LY86: variants seen among roughly 807,000 people sequenced by gnomAD.
The protein encoded by LY86 is MD-1, RP105-associated.
A neutral mutation model predicts 17.3 loss-of-function variants in LY86; 20 were observed. That is an observed-to-expected ratio of 1.15 (90% CI 0.81 to 1.68). The LOEUF is 1.68. LY86 is among the 40% of genes most tolerant of loss of function. The pLI, the probability that LY86 is intolerant of heterozygous loss-of-function variation, is 0.00. For synonymous variants in LY86, 74 were observed against 70.6 expected (o/e 1.05, Z -0.24); for missense variants, 200 against 191.9 (o/e 1.04, Z -0.25).
chr6:6,612,547 G>A (rs183339280), intron 1 of LY86, among the ~76,000 whole-genome samples: 76 of 152,240 alleles, frequency 5.0e-4, no homozygotes, highest in East Asian at 4.3e-3. Flanking sequence ...CAAAAGCAAC[G>A]AAACAACCAG....
At chr6:6,649,351 C>G (rs1174103497) in intron 3 of LY86, among the ~76,000 whole-genome samples, 1 of 152,234 alleles carries the variant, frequency 6.6e-6, no homozygotes, top group Non-Finnish European at 1.5e-5. Context: ...CAGACCTTAA[C>G]AGAATGTAAG....
chr6:6,642,100 C>T (rs1762048047), intron 3 of LY86, among the ~76,000 whole-genome samples: 1 of 152,234 alleles, frequency 6.6e-6, no homozygotes, highest in African/African-American at 2.4e-5. Flanking sequence ...CTGCTGATGC[C>T]CACTCCAGCA....
chr6:6,600,630 A>T (rs1298870271), intron 1 of LY86, among the ~76,000 whole-genome samples: 12 of 130,436 alleles, frequency 9.2e-5, no homozygotes, highest in African/African-American at 3.6e-4. Context: ...AAAAAAAAAG[A>T]AAATATAGCA....
chr6:6,613,826 C>T (rs368504687), intron 1 of LY86, among the ~76,000 whole-genome samples: 2 of 152,240 alleles, frequency 1.3e-5, no homozygotes, highest in Non-Finnish European at 2.9e-5. Context: ...CTTTCCCTGC[C>T]TGATGGTTTA....
At position 6,601,289 on chromosome 6, in the gene LY86, C is replaced by A. The variant is rs140747099; in HGVS notation, c.136+12419C>A. Reference sequence around the variant, plus strand: ...AACGGAGAGAGAAGGCCACAGTTCCCTTCCTACTAAACCACAGTCATCCCC... The same window carrying A: ...AACGGAGAGAGAAGGCCACAGTTCCATTCCTACTAAACCACAGTCATCCCC... On this transcript the variant is annotated intron_variant, in intron 1 of 4. Coordinates refer to ENST00000230568, the MANE Select transcript of LY86 (RefSeq NM_004271.4). Among the ~76,000 whole-genome samples the A allele has an allele frequency of 4.2e-3, 645 of 152,268 alleles. 4 individuals carry two copies. The highest frequency in any genetic ancestry group is 0.014 in the African/African-American group (591 of 41,544).
At position 6,626,298 on chromosome 6, in the gene LY86, G is replaced by T. The variant is rs1343214658; in HGVS notation, c.229G>T (p.Asp77Tyr). ...TGTTCTTCTCTTTCCTCCAGGAGAG[G>T]ACATCAAAGAGCTTTTTCTTGACCT... ...NIRFGIILREDIKELFLDLAL... is the reference protein window; with the variant it reads ...NIRFGIILREYIKELFLDLAL... Residue 77 changes from aspartate (D) to tyrosine (Y), a missense_variant, in exon 3 of 5, where the codon GAC becomes TAC. Physicochemically the swap from Asp to Tyr is radical, Grantham distance 160. Transcript: ENST00000230568. 6.2e-7 allele frequency: 1 copy of T among 1,613,666 alleles called. No homozygotes were observed. Among genetic ancestry groups the T allele is most frequent in the African/African-American group, 1.3e-5 (1 of 74,916 alleles).
intron 1 of LY86, among the ~76,000 whole-genome samples, chr6:6,595,205 AAAG>A (rs1434067416): frequency 1.3e-5 from 2 of 150,194 alleles, no homozygotes; most frequent in African/African-American, 2.5e-5. Flanking sequence ...AGAGGGGGAG[AAAG>A]AAGAGGAAGG....
intron 1 of LY86, among the ~76,000 whole-genome samples, chr6:6,614,272 C>G (rs1761491334): frequency 6.6e-6 from 1 of 152,186 alleles, no homozygotes; most frequent in Admixed American, 6.5e-5. Context: ...CTTACAAACA[C>G]AGACCGCAAA....
chr6:6,649,638 T>C lies in LY86; in HGVS notation c.366T>C (p.Tyr122=), dbSNP rs147765605. 1.9e-6 allele frequency: 3 copies of C among 1,572,474 alleles called. No homozygotes were observed. The highest frequency in any genetic ancestry group is 1.4e-5 in the African/African-American group (1 of 74,030). ...ATATTTTTTCAGAGCAGATTTACTATGCTGGGCCTGTCAATAATCCTGAAT... is the reference window on the plus strand; with the variant it reads ...ATATTTTTTCAGAGCAGATTTACTACGCTGGGCCTGTCAATAATCCTGAAT... ...CGRRKGEQIY[Y]AGPVNNPEFT... Residue 122 remains tyrosine, a synonymous_variant, in exon 4 of 5, where the codon TAT becomes TAC. Coordinates refer to ENST00000230568, the MANE Select transcript of LY86 (RefSeq NM_004271.4).
At chr6:6,643,173 T>C (rs989211202) in intron 3 of LY86, among the ~76,000 whole-genome samples, 2 of 152,182 alleles carry the variant, frequency 1.3e-5, no homozygotes, top group African/African-American at 2.4e-5. Flanking sequence ...TTTTGAGGAA[T>C]CTCCACACTG....
At chr6:6,609,983 G>A (rs1453678983) in intron 1 of LY86, among the ~76,000 whole-genome samples, 1 of 152,132 alleles carries the variant, frequency 6.6e-6, no homozygotes, top group Non-Finnish European at 1.5e-5. Flanking sequence ...TAGAAACAGG[G>A]TCTATGTTGC....
At chr6:6,597,545 A>C (rs901568594) in intron 1 of LY86, among the ~76,000 whole-genome samples, 1 of 152,174 alleles carries the variant, frequency 6.6e-6, no homozygotes, top group African/African-American at 2.4e-5. Flanking sequence ...GAGGCCCCTG[A>C]TCCATTAGCT....
chr6:6,605,267 C>T (rs575864305), intron 1 of LY86, among the ~76,000 whole-genome samples: 1 of 121,430 alleles, frequency 8.2e-6, no homozygotes, highest in Non-Finnish European at 1.8e-5. Flanking sequence ...TAAGCATTAT[C>T]ACCTCACCTC....
At chr6:6,643,675 C>G (rs182280966) in intron 3 of LY86, among the ~76,000 whole-genome samples, 2 of 152,070 alleles carry the variant, frequency 1.3e-5, no homozygotes, top group African/African-American at 2.4e-5. Context: ...CACACATGCA[C>G]GCACACAAGC....
chr6:6,632,157 C>A (rs1385360572), intron 3 of LY86, among the ~76,000 whole-genome samples: 1 of 152,150 alleles, frequency 6.6e-6, no homozygotes, highest in East Asian at 1.9e-4. Context: ...TTTGACTCTG[C>A]TTTATAAGAC....
intron 1 of LY86, among the ~76,000 whole-genome samples, chr6:6,603,743 A>G (rs542525779): frequency 1.8e-4 from 28 of 152,110 alleles, no homozygotes; most frequent in African/African-American, 6.3e-4. Context: ...ATGGCTGTGC[A>G]TGAGTTTGGT....
At chr6:6,644,943 C>G (rs534723020) in intron 3 of LY86, among the ~76,000 whole-genome samples, 1 of 152,054 alleles carries the variant, frequency 6.6e-6, no homozygotes, top group Non-Finnish European at 1.5e-5. Flanking sequence ...GCAGTTACCT[C>G]AAGAACTTCA....
intron 1 of LY86, among the ~76,000 whole-genome samples, chr6:6,594,111 C>T (rs1224820172): frequency 6.6e-6 from 1 of 152,232 alleles, no homozygotes; most frequent in Non-Finnish European, 1.5e-5. Flanking sequence ...CATGCTTTGA[C>T]ATCAACCAGG....
chr6:6,649,698 T>G (rs746894330), intron 4 of LY86, 21 bp downstream of exon 4: 1 of 1,407,128 alleles, frequency 7.1e-7, no homozygotes, highest in East Asian at 2.3e-5. Flanking sequence ...ACTTACTTCT[T>G]GTATTAAATA....
Sources: gnomAD v4.1 joint callset for allele counts (sites outside exome capture counted in the v4.1 genomes callset) on GRCh38, gnomAD v4.1.1 for gene constraint, MANE v1.5 for transcripts, NCBI Gene and HGNC (gene_info 2026-07-23, HGNC 2026-07-21) for gene names.